DDIT4: variants seen among roughly 807,000 people sequenced by gnomAD.
The protein encoded by DDIT4 is DNA damage inducible transcript 4.
In DDIT4, 20 loss-of-function variants were observed where a neutral mutation model predicts 20.2. That is an observed-to-expected ratio of 0.99 (90% confidence interval 0.70 to 1.44). DDIT4 has a LOEUF of 1.44. DDIT4 is among the 40% of genes most tolerant of loss of function. The pLI, the probability that DDIT4 is intolerant of heterozygous loss-of-function variation, is 0.00. For missense variants in DDIT4, 316 were observed against 298.1 expected (o/e 1.06, Z -0.44); for synonymous variants, 152 against 144.6 (o/e 1.05, Z -0.37).
rs1326858132 is a variant in DDIT4, at chr10:72,273,962, A to G, written c.-159A>G. 3 of 541,818 alleles carry G rather than the reference A, an allele frequency of 5.5e-6. No homozygotes were observed. Among genetic ancestry groups the G allele is most frequent in the African/African-American group, 4.0e-5 (2 of 50,572 alleles). 33.6% of individuals were successfully genotyped at this position (541,818 alleles called of 1,614,324 possible). ...GGGGAGGTGCGAGCGTGGACCTGGG[A>G]CGGGTCTGGGCGGCTCTCGGTGGTT... On this transcript the variant is annotated 5_prime_UTR_variant, in exon 1 of 3. Coordinates refer to ENST00000307365, the MANE Select transcript of DDIT4 (RefSeq NM_019058.4).
Position 72,275,471 on chromosome 10 carries a change from A to G in DDIT4, c.*283A>G. 2.9e-6 allele frequency: 1 copy of G among 343,188 alleles called. No individual in the cohort carries two copies. Among genetic ancestry groups the G allele is most frequent in the Non-Finnish European group, 5.4e-6 (1 of 185,906 alleles). 21.3% of individuals were successfully genotyped at this position (343,188 alleles called of 1,614,324 possible). On this transcript the variant is annotated 3_prime_UTR_variant, in exon 3 of 3. Coordinates refer to ENST00000307365, the MANE Select transcript of DDIT4 (RefSeq NM_019058.4). ...ATGTGTGTGTAGCATGTACCTTATT[A>G]TTTTTGTTACTGACAGTTAACAGTG...
Position 72,275,231 on chromosome 10 carries a change from C to T in DDIT4, c.*43C>T, listed in dbSNP as rs755617872. On this transcript the variant is annotated 3_prime_UTR_variant, in exon 3 of 3. Coordinates refer to ENST00000307365, the MANE Select transcript of DDIT4 (RefSeq NM_019058.4). ...CCGACAGTGCCCTCCAAGACAGAGA[C>T]GACTGAACTTTTGGGGTGGAGACTA... 4 of 1,555,828 alleles carry T rather than the reference C, an allele frequency of 2.6e-6. No individual in the cohort carries two copies. Among genetic ancestry groups the T allele is most frequent in the Admixed American group, 3.8e-5 (2 of 52,654 alleles).
At position 72,275,157 on chromosome 10, in the gene DDIT4, G is replaced by A; in HGVS notation, c.668G>A (p.Ser223Asn). 6.2e-7 allele frequency: 1 copy of A among 1,612,080 alleles called. No homozygotes were observed. Among genetic ancestry groups the A allele is most frequent in the Non-Finnish European group, 8.5e-7 (1 of 1,179,978 alleles). Residue 223 changes from serine (S) to asparagine (N), a missense_variant, in exon 3 of 3, where the codon AGC (serine) becomes AAC (asparagine). Coordinates refer to ENST00000307365, the MANE Select transcript of DDIT4 (RefSeq NM_019058.4). ...GFRVIKKKLY[S>N]SEQLLIEEC ...CGAGTCATCAAGAAGAAGCTGTACA[G>A]CTCGGAACAGCTGCTCATTGAGGAG...
rs913649117 is a variant in DDIT4, at chr10:72,275,512, A to G, written c.*324A>G. The G allele has an allele frequency of 4.1e-5, 10 of 245,972 alleles. No homozygotes were observed. The highest frequency in any genetic ancestry group is 6.9e-5 in the African/African-American group (3 of 43,784). The allele number at this position is 245,972 out of a possible 1,614,324, so 15.2% of individuals were successfully genotyped here. On this transcript the variant is annotated 3_prime_UTR_variant, in exon 3 of 3. Coordinates refer to ENST00000307365, the MANE Select transcript of DDIT4 (RefSeq NM_019058.4). ...GTTAACAGTGGTGTGACATCCAGAG[A>G]GCAGCTGGGCTGCTCCCGCCCCAGC...
In DDIT4 at chr10:72,274,988, C is replaced by T. The variant is rs1337762310; in HGVS notation, c.499C>T (p.Pro167Ser). The change falls in exon 3 of 3, where the codon CCC (proline) becomes TCC (serine). Residue 167 changes from proline to serine, a missense_variant. Pro to Ser is a moderately conservative substitution (Grantham distance 74). Transcript: ENST00000307365. ...CAGCGTGGGCCAGCTGGCACTCGAC[C>T]CCAGCCTGGTGCCCACCTTCCAGCT... Reference protein sequence around the residue: ...CHSVGQLALDPSLVPTFQLTL... With the variant: ...CHSVGQLALDSSLVPTFQLTL... The T allele has an allele frequency of 6.2e-7, 1 of 1,613,192 alleles. No homozygotes were observed. Among genetic ancestry groups the T allele is most frequent in the African/African-American group, 1.3e-5 (1 of 74,938 alleles).
rs541358689 is a variant in DDIT4, at chr10:72,275,310, T to A, written c.*122T>A. On this transcript the variant is annotated 3_prime_UTR_variant, in exon 3 of 3. Coordinates refer to ENST00000307365, the MANE Select transcript of DDIT4 (RefSeq NM_019058.4). ...TGGTTGGAAAACTGAGGCAGCCACC[T>A]AAGGTGGAGGTGGGGGAATAGTGTT... 3 of 1,129,300 alleles carry A rather than the reference T, an allele frequency of 2.7e-6. No individual in the cohort carries two copies. Among genetic ancestry groups the A allele is most frequent in the African/African-American group, 3.1e-5 (2 of 64,438 alleles). The allele number at this position is 1,129,300 out of a possible 1,614,324, so 70.0% of individuals were successfully genotyped here.
At position 72,274,852 on chromosome 10, in the gene DDIT4, C is replaced by G. The variant is rs1860808401; in HGVS notation, c.363C>G (p.Ser121Arg). ...SRRPARLLMP[S>R]QLVSQVGKEL... is the part of the protein sequence containing the mutation. ...GCCCTGCGCGCCTGCTGATGCCTAG[C>G]CAGTTGGTAAGCCAGGTGGGCAAAG... is the stretch of plus-strand genomic sequence containing the variant. The change falls in exon 3 of 3, where the codon AGC (serine) becomes AGG (arginine). Residue 121 changes from serine (S) to arginine (R), a missense_variant. Ser to Arg is a moderately radical substitution (Grantham distance 110, BLOSUM62 -1). Transcript: ENST00000307365. 8.7e-6 allele frequency: 14 copies of G among 1,613,562 alleles called. No individual in the cohort carries two copies. The highest frequency in any genetic ancestry group is 1.2e-5 in the Non-Finnish European group (14 of 1,180,018).
In DDIT4 at chr10:72,274,319, G is replaced by A; in HGVS notation, c.103G>A (p.Gly35Arg). 2 of 1,612,766 alleles carry A rather than the reference G, an allele frequency of 1.2e-6. No homozygotes were observed. The highest frequency in any genetic ancestry group is 1.7e-6 in the Non-Finnish European group (2 of 1,179,966). Residue 35 changes from glycine to arginine, a missense_variant, in exon 2 of 3, where the codon GGG becomes AGG. Transcript: ENST00000307365. ...TPDRPPRSAW[G>R]SATREEGFDR... Reference sequence around the variant, plus strand: ...AGATCGGCCGCCGCGCTCAGCCTGGGGGTCGGCGACCCGGGAGGAGGGGTT... The same window carrying A: ...AGATCGGCCGCCGCGCTCAGCCTGGAGGTCGGCGACCCGGGAGGAGGGGTT...
In DDIT4 at chr10:72,275,319, G is replaced by GGT; in HGVS notation, c.*133_*134dup. ...AACTGAGGCAGCCACCTAAGGTGGAGGTGGGGGAATAGTGTTTCCCAGGAA... is the reference window on the plus strand; with the variant it reads ...AACTGAGGCAGCCACCTAAGGTGGAGGTGTGGGGGAATAGTGTTTCCCAGGAA... On this transcript the variant is annotated 3_prime_UTR_variant, in exon 3 of 3. Transcript: ENST00000307365. 1 of 1,024,508 alleles carries GGT rather than the reference G, an allele frequency of 9.8e-7. No individual in the cohort carries two copies. Among genetic ancestry groups the GGT allele is most frequent in the Non-Finnish European group, 1.4e-6 (1 of 718,024 alleles). 63.5% of individuals were successfully genotyped at this position (1,024,508 alleles called of 1,614,324 possible).
rs914735868 is a variant in DDIT4, at chr10:72,275,284, G to A, written c.*96G>A. ...GGCAGGAGCTGAGGGACTGATTCCT[G>A]TGGTTGGAAAACTGAGGCAGCCACC... On this transcript the variant is annotated 3_prime_UTR_variant, in exon 3 of 3. Transcript: ENST00000307365. 7.2e-7 allele frequency: 1 copy of A among 1,391,488 alleles called. No homozygotes were observed. The highest frequency in any genetic ancestry group is 1.4e-5 in the African/African-American group (1 of 69,866). 86.2% of individuals were successfully genotyped at this position (1,391,488 alleles called of 1,614,324 possible).
rs1044628139 is a variant in DDIT4, at chr10:72,275,292, A to G, written c.*104A>G. On this transcript the variant is annotated 3_prime_UTR_variant, in exon 3 of 3. Transcript: ENST00000307365. ...CTGAGGGACTGATTCCTGTGGTTGG[A>G]AAACTGAGGCAGCCACCTAAGGTGG... is the stretch of plus-strand genomic sequence containing the variant. 2.3e-6 allele frequency: 3 copies of G among 1,319,710 alleles called. No homozygotes were observed. In the South Asian group the frequency reaches 4.4e-5, roughly 19 times the overall value. The allele number at this position is 1,319,710 out of a possible 1,614,324, so 81.8% of individuals were successfully genotyped here.
In DDIT4 at chr10:72,274,696, C is replaced by T; in HGVS notation, c.207C>T (p.Asp69=). 2 of 1,606,068 alleles carry T rather than the reference C, an allele frequency of 1.2e-6. No homozygotes were observed. The highest frequency in any genetic ancestry group is 2.2e-5 in the South Asian group (2 of 90,496). Reference sequence around the variant, plus strand: ...CTTCCTGTGTGCTCTCCTTTCCAGACACGGCTTACCTGGATGGGGTGTCGT... The same window carrying T: ...CTTCCTGTGTGCTCTCCTTTCCAGATACGGCTTACCTGGATGGGGTGTCGT... ...SSNSGFGPEE[D]TAYLDGVSLP... is the part of the protein sequence containing the mutation. Residue 69 remains aspartate, a splice_region_variant and synonymous_variant, in exon 3 of 3, where the codon GAC becomes GAT. Transcript: ENST00000307365.
Position 72,275,746 on chromosome 10 carries a change from A to G in DDIT4, c.*558A>G, listed in dbSNP as rs879520062. 4 of 153,078 alleles carry G rather than the reference A, an allele frequency of 2.6e-5. No individual in the cohort carries two copies. Among genetic ancestry groups the G allele is most frequent in the Non-Finnish European group, 2.9e-5 (2 of 68,550 alleles). 9.5% of individuals were successfully genotyped at this position (153,078 alleles called of 1,614,324 possible). On this transcript the variant is annotated 3_prime_UTR_variant, in exon 3 of 3. Transcript: ENST00000307365. ...CTTACAGACGCATGAATGTAAGAGTAGGAAGGGGTGGGTGTCAGGGATCAC... is the reference window on the plus strand; with the variant it reads ...CTTACAGACGCATGAATGTAAGAGTGGGAAGGGGTGGGTGTCAGGGATCAC...
In DDIT4 at chr10:72,275,526, T is replaced by A. The variant is rs956268407; in HGVS notation, c.*338T>A. 1 of 208,216 alleles carries A rather than the reference T, an allele frequency of 4.8e-6. No individual in the cohort carries two copies. The highest frequency in any genetic ancestry group is 9.7e-6 in the Non-Finnish European group (1 of 103,272). 12.9% of individuals were successfully genotyped at this position (208,216 alleles called of 1,614,324 possible). A position where few individuals can be genotyped will look rare whatever the true frequency, so the allele number is the denominator to read the frequency against. ...GACATCCAGAGAGCAGCTGGGCTGC[T>A]CCCGCCCCAGCCCGGCCCAGGGTGA... On this transcript the variant is annotated 3_prime_UTR_variant, in exon 3 of 3. Coordinates refer to ENST00000307365, the MANE Select transcript of DDIT4 (RefSeq NM_019058.4).
rs1860800182 is a variant in DDIT4 at position 72,274,329 on chromosome 10, C to T, written c.113C>T (p.Thr38Ile). The stretch of plus-strand genomic sequence containing the variant: ...CCGCGCTCAGCCTGGGGGTCGGCGA[C>T]CCGGGAGGAGGGGTTTGACCGCTCC... ...RPPRSAWGSA[T>I]REEGFDRSTS... The change falls in exon 2 of 3, where the codon ACC becomes ATC. Residue 38 changes from threonine (T) to isoleucine (I), a missense_variant. Transcript: ENST00000307365. The T allele has an allele frequency of 1.2e-6, 2 of 1,612,238 alleles. No homozygotes were observed. The highest frequency in any genetic ancestry group is 1.7e-6 in the Non-Finnish European group (2 of 1,179,946).
rs1860793569 is a variant in DDIT4 at position 72,273,965 on chromosome 10, G to A, written c.-156G>A. The stretch of plus-strand genomic sequence containing the variant: ...GAGGTGCGAGCGTGGACCTGGGACG[G>A]GTCTGGGCGGCTCTCGGTGGTTGGC... On this transcript the variant is annotated 5_prime_UTR_variant, in exon 1 of 3. Coordinates refer to ENST00000307365, the MANE Select transcript of DDIT4 (RefSeq NM_019058.4). 1.8e-6 allele frequency: 1 copy of A among 560,888 alleles called. No homozygotes were observed. The allele number at this position is 560,888 out of a possible 1,614,324, so 34.7% of individuals were successfully genotyped here. A position where few individuals can be genotyped will look rare whatever the true frequency, so the allele number is the denominator to read the frequency against.
At position 72,275,371 on chromosome 10, in the gene DDIT4, G is replaced by A; in HGVS notation, c.*183G>A. On this transcript the variant is annotated 3_prime_UTR_variant, in exon 3 of 3. Transcript: ENST00000307365. ...CTCATTGAGTTGTGTGCGGGTGGCT[G>A]TGCATTGGGGACACATACCCCTCAG... 3.0e-6 allele frequency: 2 copies of A among 658,248 alleles called. No individual in the cohort carries two copies. The highest frequency in any genetic ancestry group is 5.1e-6 in the Non-Finnish European group (2 of 390,288). 40.8% of individuals were successfully genotyped at this position (658,248 alleles called of 1,614,324 possible).
chr10:72,274,110 T>G (rs1860795827), intron 1 of DDIT4, 47 bp from the exon 2 acceptor site: 1 of 899,340 alleles, frequency 1.1e-6, no homozygotes, highest in Non-Finnish European at 1.8e-6. Flanking sequence ...TCTGGTCTGG[T>G]CTGGTCCCCA....
At chr10:72,274,643 G>A in intron 2 of DDIT4, 52 bp from the exon 3 acceptor site, 1 of 1,543,310 alleles carries the variant, frequency 6.5e-7, no homozygotes, top group Non-Finnish European at 8.7e-7. Context: ...CCGCCTGTGC[G>A]TTTCGTTTTG....
Sources: allele counts gnomAD v4.1 joint callset, GRCh38; gene constraint gnomAD v4.1.1; transcripts MANE v1.5; gene names NCBI Gene and HGNC (gene_info 2026-07-23, HGNC 2026-07-21).